MAPK10: variants seen among roughly 807,000 people sequenced by gnomAD.
MAPK10 encodes mitogen-activated protein kinase 10.
In MAPK10, 25 loss-of-function variants were observed where a neutral mutation model predicts 59.3. That is an observed-to-expected ratio of 0.42 (90% CI 0.31 to 0.59). MAPK10 has a LOEUF of 0.59. Ranked by LOEUF, MAPK10 falls within the 20% of genes least tolerant of loss-of-function variation. The pLI is 0.15. For synonymous variants in MAPK10, 190 were observed against 200.5 expected, an observed-to-expected ratio of 0.95 and a Z score of 0.44; for missense variants, 351 against 568.9, an observed-to-expected ratio of 0.62 and a Z score of 3.90.
intron 1 of MAPK10, among the ~76,000 whole-genome samples, chr4:86,385,006 C>T (rs2149004064): frequency 6.6e-6 from 1 of 152,074 alleles, no homozygotes; most frequent in Non-Finnish European, 1.5e-5. Context: ...TTAATTACAC[C>T]TAAATTGTTT....
chr4:86,463,480 C>A (rs1407767284), intron 1 of MAPK10, among the ~76,000 whole-genome samples: 1 of 152,154 alleles, frequency 6.6e-6, no homozygotes, highest in Non-Finnish European at 1.5e-5. Flanking sequence ...GGATGATATA[C>A]TTTGTGCTGC....
chr4:86,050,608 T>C (rs1469078737), intron 11 of MAPK10, among the ~76,000 whole-genome samples: 3 of 152,124 alleles, frequency 2.0e-5, no homozygotes, highest in Non-Finnish European at 2.9e-5. Flanking sequence ...AATTAACTAA[T>C]TGCAAGCCAA....
chr4:86,325,876 T>A (rs1203938734), intron 2 of MAPK10: 1 of 152,220 alleles, frequency 6.6e-6, no homozygotes, highest in Non-Finnish European at 1.5e-5. Flanking sequence ...TAATCATTTG[T>A]CAACTAATTT....
intron 4 of MAPK10, among the ~76,000 whole-genome samples, chr4:86,148,275 A>AAATGTG (rs2065493529): frequency 6.6e-6 from 1 of 152,236 alleles, no homozygotes; most frequent in Admixed American, 6.5e-5. Flanking sequence ...CTGAAATGTG[A>AAATGTG]AAATGAGAGC....
chr4:86,124,659 A>G (rs1345307903), intron 4 of MAPK10: 1 of 152,096 alleles, frequency 6.6e-6, no homozygotes, highest in Non-Finnish European at 1.5e-5. Flanking sequence ...AAATGAAATA[A>G]TGCATTCTCA....
In MAPK10 at chr4:86,446,387, A is replaced by T. The variant is rs545794492; in HGVS notation, c.-122+6643T>A. Among the ~76,000 whole-genome samples, 8 of 152,242 alleles carry T rather than the reference A, an allele frequency of 5.3e-5. No individual in the cohort carries two copies. In the South Asian group the frequency reaches 1.7e-3, roughly 32 times the overall value. Reference sequence around the variant, plus strand: ...CATTACCTAACACATTCAAGAATTTATTTATTTATTTTTTGAGAGAGTCTC... The same window carrying T: ...CATTACCTAACACATTCAAGAATTTTTTTATTTATTTTTTGAGAGAGTCTC... On this transcript the variant is annotated intron_variant, in intron 1 of 13. Coordinates refer to the MAPK10 transcript ENST00000361569.
At chr4:86,546,640 C>T (rs536167165) in intron 1 of MAPK10, among the ~76,000 whole-genome samples, 1 of 152,122 alleles carries the variant, frequency 6.6e-6, no homozygotes, top group East Asian at 1.9e-4. Flanking sequence ...AGTATAGGTC[C>T]TATGTGACTG....
intron 1 of MAPK10, among the ~76,000 whole-genome samples, chr4:86,484,257 T>C (rs2149072139): frequency 6.6e-6 from 1 of 152,358 alleles, no homozygotes; most frequent in South Asian, 2.1e-4. Context: ...TCACTTTATA[T>C]AATTCATTCT....
intron 2 of MAPK10, among the ~76,000 whole-genome samples, chr4:86,227,227 C>T (rs1485015932): frequency 6.6e-6 from 1 of 151,962 alleles, no homozygotes; most frequent in Non-Finnish European, 1.5e-5. Flanking sequence ...GTGGCTCATG[C>T]CTATAATCCC....
chr4:86,044,283 T>A (rs1001065616), intron 11 of MAPK10, among the ~76,000 whole-genome samples: 2 of 152,182 alleles, frequency 1.3e-5, no homozygotes, highest in Non-Finnish European at 2.9e-5. Flanking sequence ...ATGGTTCAGC[T>A]ACGGCTGCAC....
chr4:86,074,959 A>T (rs1249321689), intron 9 of MAPK10, among the ~76,000 whole-genome samples: 3 of 143,520 alleles, frequency 2.1e-5, no homozygotes, highest in Non-Finnish European at 3.0e-5. Context: ...AGATTGGGGA[A>T]GTTCTCCTGG....
chr4:86,329,939 G>C (rs1369930148), intron 2 of MAPK10, among the ~76,000 whole-genome samples: 2 of 152,128 alleles, frequency 1.3e-5, no homozygotes, highest in Non-Finnish European at 2.9e-5. Context: ...GATAAAGATG[G>C]GCAGAGGCAT....
At chr4:86,090,809 G>A (rs1361440330) in intron 9 of MAPK10, 1 of 152,064 alleles carries the variant, frequency 6.6e-6, no homozygotes, top group African/African-American at 2.4e-5. Context: ...TCAATATGCA[G>A]TGTTTTCTCT....
At chr4:86,213,153 A>G (rs1047256213) in intron 2 of MAPK10, among the ~76,000 whole-genome samples, 5 of 152,290 alleles carry the variant, frequency 3.3e-5, no homozygotes, top group Middle Eastern at 3.4e-3. Flanking sequence ...TAGGAGATGA[A>G]TTAAAATGAA....
chr4:86,078,703 T>C (rs1052341181), intron 9 of MAPK10, among the ~76,000 whole-genome samples: 1 of 152,098 alleles, frequency 6.6e-6, no homozygotes, highest in Non-Finnish European at 1.5e-5. Flanking sequence ...AAAAATGTTT[T>C]TAGGGGCCAG....
chr4:86,187,854 G>T (rs1388395940), intron 3 of MAPK10, among the ~76,000 whole-genome samples: 2 of 152,072 alleles, frequency 1.3e-5, no homozygotes, highest in Admixed American at 6.6e-5. Flanking sequence ...GTGCCATGGT[G>T]GTTTGCTGCA....
In MAPK10 at chr4:86,058,657, C is replaced by T. The variant is rs1255608259; in HGVS notation, c.1110+5609G>A. 1.3e-5 allele frequency among the ~76,000 whole-genome samples: 2 copies of T among 149,542 alleles called. 1 individual carries two copies. Among genetic ancestry groups the T allele is most frequent in the African/African-American group, 5.0e-5 (2 of 39,772 alleles). On this transcript the variant is annotated intron_variant, in intron 11 of 13. Transcript: ENST00000641462. Reference sequence around the variant, plus strand: ...TATCTCTGTGTTGGTCCAAGAGTGTCTGCTTTTGACTTCTGCATTGCAATA... The same window carrying T: ...TATCTCTGTGTTGGTCCAAGAGTGTTTGCTTTTGACTTCTGCATTGCAATA...
At chr4:86,507,667 T>TATATATAA (rs1489713462) in intron 1 of MAPK10, among the ~76,000 whole-genome samples, 1 of 105,070 alleles carries the variant, frequency 9.5e-6, no homozygotes, top group Non-Finnish European at 1.9e-5. Flanking sequence ...TATATATATA[T>TATATATAA]ATATAAAATC....
chr4:86,036,661 A>G (rs1487527137), intron 11 of MAPK10, among the ~76,000 whole-genome samples: 1 of 152,244 alleles, frequency 6.6e-6, no homozygotes, highest in African/African-American at 2.4e-5. Flanking sequence ...ATACTGTTGA[A>G]TCTAAAATAA....
Sources: gnomAD v4.1 joint callset for allele counts (sites outside exome capture counted in the v4.1 genomes callset) on GRCh38, gnomAD v4.1.1 for gene constraint, MANE v1.5 for transcripts, NCBI Gene and HGNC (gene_info 2026-07-23, HGNC 2026-07-21) for gene names.